RSF1: variants seen among roughly 807,000 people sequenced by gnomAD.
RSF1 encodes the protein HBV pX-associated protein 8.
A neutral mutation model predicts 145.2 loss-of-function variants in RSF1; 13 were observed. The observed-to-expected ratio is 0.09, with a 90% CI of 0.06 to 0.14. RSF1 has a LOEUF of 0.14. Among genes scored for constraint, RSF1 ranks in the 10% least tolerant of loss-of-function variants. The pLI, the probability that RSF1 is intolerant of heterozygous loss-of-function variation, is 1.00. For synonymous variants in RSF1, 577 were observed against 592.6 expected, an observed-to-expected ratio of 0.97 and a Z score of 0.38; for missense variants, 1,517 against 1,718.2, an observed-to-expected ratio of 0.88 and a Z score of 2.07.
chr11:77,777,307 C>A (rs1351724072), intron 1 of RSF1, among the ~76,000 whole-genome samples: 1 of 152,086 alleles, frequency 6.6e-6, no homozygotes, highest in East Asian at 1.9e-4. Flanking sequence ...AATTAGTAAT[C>A]CCCGCCAGGC....
At chr11:77,849,325 G>A in the RSF1 span, among the ~76,000 whole-genome samples, 2 of 152,094 alleles carry the variant, frequency 1.3e-5, no homozygotes, top group African/African-American at 4.8e-5. Context: ...GGGTTCAAGC[G>A]ATTCTCTTGC....
At chr11:77,667,848 C>T (rs976195382) in intron 15 of RSF1, among the ~76,000 whole-genome samples, 1 of 151,564 alleles carries the variant, frequency 6.6e-6, no homozygotes, top group Non-Finnish European at 1.5e-5. Flanking sequence ...GGATTACAGG[C>T]GCCAGCCACC....
chr11:77,708,965 G>T (rs2135863978), intron 5 of RSF1, among the ~76,000 whole-genome samples: 1 of 152,330 alleles, frequency 6.6e-6, no homozygotes, highest in South Asian at 2.1e-4. Flanking sequence ...AGGAGTCATT[G>T]ACAATCAAAT....
chr11:77,692,939 G>C (rs993932509), intron 8 of RSF1, among the ~76,000 whole-genome samples: 1 of 152,196 alleles, frequency 6.6e-6, no homozygotes, highest in Non-Finnish European at 1.5e-5. Flanking sequence ...GCCTCCCAAA[G>C]TGCTGGGATT....
chr11:77,690,161 C>CAAAAAAAA (rs112481534), intron 9 of RSF1, among the ~76,000 whole-genome samples: 14 of 88,546 alleles, frequency 1.6e-4, no homozygotes, highest in Non-Finnish European at 2.1e-4. Context: ...GACTCCATCT[C>CAAAAAAAA]AAAAAAAAAA....
At chr11:77,736,943 G>A (rs1961367998) in intron 4 of RSF1, among the ~76,000 whole-genome samples, 1 of 152,146 alleles carries the variant, frequency 6.6e-6, no homozygotes, top group Non-Finnish European at 1.5e-5. Flanking sequence ...ATGTTAGTAT[G>A]ACAATCAGCT....
the RSF1 span, among the ~76,000 whole-genome samples, chr11:77,860,765 T>G: frequency 4.6e-5 from 7 of 152,172 alleles, no homozygotes; most frequent in Non-Finnish European, 1.5e-5. Context: ...TGTACAGGGA[T>G]GCAGAAAAAG....
chr11:77,847,706 C>T, the RSF1 span, among the ~76,000 whole-genome samples: 2 of 152,160 alleles, frequency 1.3e-5, no homozygotes, highest in African/African-American at 2.4e-5. Context: ...ATATGCAGAA[C>T]TTAGTTTATA....
chr11:77,724,055 A>G (rs372565617), intron 5 of RSF1, among the ~76,000 whole-genome samples: 2 of 152,248 alleles, frequency 1.3e-5, no homozygotes, highest in South Asian at 2.1e-4. Flanking sequence ...TCAAAGCATA[A>G]CAAAAAAATA....
chr11:77,787,784 A>G (rs1415869371), intron 1 of RSF1, among the ~76,000 whole-genome samples: 1 of 151,770 alleles, frequency 6.6e-6, no homozygotes, highest in Non-Finnish European at 1.5e-5. Flanking sequence ...TTCAGAGTTT[A>G]GTATCTACTA....
At chr11:77,793,345 C>A (rs147674810) in intron 1 of RSF1, among the ~76,000 whole-genome samples, 1 of 152,010 alleles carries the variant, frequency 6.6e-6, no homozygotes, top group Non-Finnish European at 1.5e-5. Flanking sequence ...ATTAGCCAGG[C>A]GTGGTGGCCT....
intron 1 of RSF1, chr11:77,813,820 GACACAC>G (rs10688175): frequency 0.015 from 2,515 of 169,324 alleles, 39 homozygotes; most frequent in East Asian, 0.024. Context: ...TTTGTAAAAG[GACACAC>G]ACACACACAC....
chr11:77,725,784 T>C, intron 4 of RSF1, 85 bp from the exon 5 acceptor site: 1 of 1,087,526 alleles, frequency 9.2e-7, no homozygotes. Context: ...GAAATTAAAA[T>C]AAAAAAAGAA....
At chr11:77,758,632 C>T (rs1488462412) in intron 2 of RSF1, among the ~76,000 whole-genome samples, 2 of 152,168 alleles carry the variant, frequency 1.3e-5, no homozygotes, top group Non-Finnish European at 2.9e-5. Flanking sequence ...AAAAAAATAG[C>T]CATCCTGTTA....
chr11:77,773,449 GTA>G (rs1279724836), intron 1 of RSF1, among the ~76,000 whole-genome samples: 1 of 151,984 alleles, frequency 6.6e-6, no homozygotes, highest in African/African-American at 2.4e-5. Flanking sequence ...GTCTGCTATA[GTA>G]TATATGCTCA....
chr11:77,691,055 C>T (rs538545093), intron 9 of RSF1, 104 bp downstream of exon 9: 22 of 1,107,546 alleles, frequency 2.0e-5, no homozygotes, highest in Non-Finnish European at 2.9e-5. Context: ...GCCCACAGGC[C>T]ACAGTATGCC....
chr11:77,814,792 G>A (rs1376546132), intron 1 of RSF1, among the ~76,000 whole-genome samples: 1 of 152,186 alleles, frequency 6.6e-6, no homozygotes, highest in African/African-American at 2.4e-5. Flanking sequence ...GAAATCCTTT[G>A]ATAATGTTTG....
chr11:77,734,994 C>T, intron 4 of RSF1: 1 of 1,595,832 alleles, frequency 6.3e-7, no homozygotes, highest in Non-Finnish European at 8.5e-7. Flanking sequence ...GGTGGTAGTT[C>T]TGGCGCACCT....
Position 77,686,683 on chromosome 11 carries a change from G to GA in RSF1, c.2901-1525_2901-1524insT, listed in dbSNP as rs542753898. ...GTTGTGATGCTATTAAAACTGGTAT[G>GA]TTTAAAAATCATTCAGTGGACTTCT... is the stretch of plus-strand genomic sequence containing the variant. On this transcript the variant is annotated intron_variant, in intron 9 of 15. Transcript: ENST00000308488. Among the ~76,000 whole-genome samples, 777 of 152,176 alleles carry GA rather than the reference G, an allele frequency of 5.1e-3. 6 individuals carry two copies. The highest frequency in any genetic ancestry group is 0.016 in the African/African-American group (656 of 41,530).
Sources: gnomAD v4.1 joint callset for allele counts (sites outside exome capture counted in the v4.1 genomes callset) on GRCh38, gnomAD v4.1.1 for gene constraint, MANE v1.5 for transcripts, NCBI Gene and HGNC (gene_info 2026-07-23, HGNC 2026-07-21) for gene names.